SLC12A8: variants seen among roughly 807,000 people sequenced by gnomAD.
SLC12A8 encodes the protein solute carrier family 12 member 8, also known as cation-chloride cotransporter 9.
In SLC12A8, 69 loss-of-function variants were observed where a neutral mutation model predicts 75.6. That is an observed-to-expected ratio of 0.91 (90% CI 0.75 to 1.11). The LOEUF is 1.11. SLC12A8 is among the 50% of genes most tolerant of loss of function. The pLI, the probability that SLC12A8 is intolerant of heterozygous loss-of-function variation, is 0.00. For missense variants in SLC12A8, 877 were observed against 896.7 expected (o/e 0.98, Z 0.28); for synonymous variants, 365 against 372.8 (o/e 0.98, Z 0.24).
chr3:125,188,621 C>T (rs976512602), intron 3 of SLC12A8, among the ~76,000 whole-genome samples: 6 of 152,214 alleles, frequency 3.9e-5, no homozygotes, highest in African/African-American at 1.4e-4. Flanking sequence ...GATGTAATGT[C>T]ACATGTTTTG....
At chr3:125,106,647 G>A (rs922891370) in intron 10 of SLC12A8, among the ~76,000 whole-genome samples, 3 of 152,020 alleles carry the variant, frequency 2.0e-5, no homozygotes, top group Admixed American at 6.6e-5. Context: ...CACCGCGCCC[G>A]GCCAAAACAC....
At chr3:125,166,096 C>T (rs965472980) in intron 5 of SLC12A8, among the ~76,000 whole-genome samples, 3 of 152,202 alleles carry the variant, frequency 2.0e-5, no homozygotes, top group African/African-American at 4.8e-5. Context: ...GCCCAGCCCA[C>T]CGCTTCTCCT....
At chr3:125,192,148 G>T (rs1333140137) in intron 2 of SLC12A8, among the ~76,000 whole-genome samples, 7 of 151,998 alleles carry the variant, frequency 4.6e-5, no homozygotes, top group Admixed American at 4.6e-4. Context: ...CAGGCCGACT[G>T]TTCCTCAGTA....
intron 5 of SLC12A8, among the ~76,000 whole-genome samples, chr3:125,168,313 G>C (rs1050766942): frequency 6.6e-6 from 1 of 152,226 alleles, no homozygotes; most frequent in Non-Finnish European, 1.5e-5. Flanking sequence ...TTGGTGGAAA[G>C]GGCAGTGGGG....
chr3:125,117,990 G>C (rs1250121429), intron 8 of SLC12A8, among the ~76,000 whole-genome samples: 1 of 152,230 alleles, frequency 6.6e-6, no homozygotes, highest in African/African-American at 2.4e-5. Context: ...GGAGGGCCTC[G>C]GCCCTCACCC....
chr3:125,107,747 C>T lies in SLC12A8; in HGVS notation c.1439G>A (p.Gly480Glu). The T allele has an allele frequency of 6.2e-7, 1 of 1,614,194 alleles. No homozygotes were observed. Among genetic ancestry groups the T allele is most frequent in the Non-Finnish European group, 8.5e-7 (1 of 1,180,032 alleles). The change falls in exon 10 of 14, where the codon GGA becomes GAA. Residue 480 changes from glycine (G) to glutamate (E), a missense_variant. Coordinates refer to ENST00000469902, the MANE Select transcript of SLC12A8 (RefSeq NM_024628.6). Reference sequence around the variant, plus strand: ...ACTTTCTGGGGTCCTGTTACCCTCTCCTTGCCTGGGCTGGCTACTCTCAAG... The same window carrying T: ...ACTTTCTGGGGTCCTGTTACCCTCTTCTTGCCTGGGCTGGCTACTCTCAAG... Reference protein sequence around the residue: ...RKLESSQPRQGEGNRTPESQK... With the variant: ...RKLESSQPRQEEGNRTPESQK...
At chr3:125,203,676 G>T (rs923338900) in intron 2 of SLC12A8, among the ~76,000 whole-genome samples, 6 of 152,164 alleles carry the variant, frequency 3.9e-5, no homozygotes, top group Non-Finnish European at 5.9e-5. Flanking sequence ...ACATTGGTTT[G>T]GGAAAAGGTT....
chr3:125,129,058 T>C (rs516355), intron 6 of SLC12A8, among the ~76,000 whole-genome samples: 66,132 of 152,062 alleles, frequency 0.43, 15,216 homozygotes, highest in South Asian at 0.68. Context: ...GACATTTCAG[T>C]AAAGGCTGTA....
intron 5 of SLC12A8, chr3:125,154,786 G>A (rs148315853): frequency 1.4e-3 from 213 of 152,240 alleles, no homozygotes; most frequent in African/African-American, 4.8e-3. Context: ...TTATGTGAAC[G>A]TCTCTCTCTC....
In SLC12A8 at chr3:125,082,843, G is replaced by A. The variant is rs1252429464; in HGVS notation, c.*1047C>T. On this transcript the variant is annotated 3_prime_UTR_variant, in exon 14 of 14. Coordinates refer to ENST00000469902, the MANE Select transcript of SLC12A8 (RefSeq NM_024628.6). ...GGAAAGAATCCAAATGCTCATCATT[G>A]TGGAACTGGCGAAATAAATTATAAC... 1.3e-5 allele frequency: 2 copies of A among 152,174 alleles called. No individual in the cohort carries two copies. Among genetic ancestry groups the A allele is most frequent in the Non-Finnish European group, 2.9e-5 (2 of 68,034 alleles). 9.4% of individuals were successfully genotyped at this position (152,174 alleles called of 1,614,324 possible). A position where few individuals can be genotyped will look rare whatever the true frequency, so the allele number is the denominator to read the frequency against.
intron 5 of SLC12A8, among the ~76,000 whole-genome samples, chr3:125,138,845 A>AACACACAC (rs3061221): frequency 0.014 from 1,886 of 137,784 alleles, 41 homozygotes; most frequent in African/African-American, 0.044. Flanking sequence ...CCTTCTACAA[A>AACACACAC]ACACACACAC....
intron 2 of SLC12A8, among the ~76,000 whole-genome samples, chr3:125,208,705 C>A (rs991590590): frequency 7.0e-6 from 1 of 142,810 alleles, no homozygotes; most frequent in East Asian, 2.2e-4. Context: ...ACACTCAGAT[C>A]TACAGCTCCT....
chr3:125,157,642 C>A (rs572131279), intron 5 of SLC12A8, among the ~76,000 whole-genome samples: 3 of 152,194 alleles, frequency 2.0e-5, no homozygotes, highest in Admixed American at 6.5e-5. Context: ...CTCTTCCATG[C>A]GCGCTGAGTC....
intron 2 of SLC12A8, among the ~76,000 whole-genome samples, chr3:125,208,649 G>A (rs1295564580): frequency 6.6e-6 from 1 of 151,614 alleles, no homozygotes; most frequent in Non-Finnish European, 1.5e-5. Context: ...ATTAGAGCCA[G>A]GACTTGACCC....
intron 6 of SLC12A8, chr3:125,120,951 G>A (rs1933042751): frequency 5.9e-6 from 4 of 675,644 alleles, no homozygotes; most frequent in Admixed American, 2.5e-5. Context: ...ACCGCTCAGC[G>A]CAAAGCAACC....
Position 125,150,412 on chromosome 3 carries a change from A to C in SLC12A8, c.623-14630T>G, listed in dbSNP as rs541601180. ...TGTCAAAGACAGGTAACAATGTGTG[A>C]GTCAAATTAACCCTTTACAGATCAA... On this transcript the variant is annotated intron_variant, in intron 5 of 13. Transcript: ENST00000469902. 2.6e-5 allele frequency among the ~76,000 whole-genome samples: 4 copies of C among 152,352 alleles called. No individual in the cohort carries two copies. The South Asian group carries it at 8.3e-4, about 32-fold the overall frequency.
At chr3:125,132,371 A>T (rs1463463302) in intron 6 of SLC12A8, among the ~76,000 whole-genome samples, 4 of 152,222 alleles carry the variant, frequency 2.6e-5, no homozygotes, top group African/African-American at 9.6e-5. Context: ...GCCGAGCCTT[A>T]AGAAAAGTCA....
intron 5 of SLC12A8, among the ~76,000 whole-genome samples, chr3:125,154,226 G>C (rs1466242106): frequency 6.6e-6 from 1 of 152,136 alleles, no homozygotes; most frequent in East Asian, 1.9e-4. Context: ...TTCGCAAACT[G>C]CATTTTCAAT....
In SLC12A8 at chr3:125,107,569, A is replaced by G; in HGVS notation, c.1617T>C (p.Thr539=). The G allele has an allele frequency of 6.2e-7, 1 of 1,614,150 alleles. No individual in the cohort carries two copies. Among genetic ancestry groups the G allele is most frequent in the Admixed American group, 1.7e-5 (1 of 60,008 alleles). Residue 539 remains threonine (T), a synonymous_variant, in exon 10 of 14, where the codon ACT becomes ACC. Transcript: ENST00000469902. ...EGQESCWNKQ[T]SKSEGTQPEG... is the part of the protein sequence containing the mutation. Reference sequence around the variant, plus strand: ...CAGGCTGAGTCCCTTCGCTCTTGGAAGTCTGCTTGTTCCAGCAGGACTCCT... The same window carrying G: ...CAGGCTGAGTCCCTTCGCTCTTGGAGGTCTGCTTGTTCCAGCAGGACTCCT...
Sources: allele counts gnomAD v4.1 joint callset (sites outside exome capture counted in the v4.1 genomes callset), GRCh38; gene constraint gnomAD v4.1.1; transcripts MANE v1.5; gene names NCBI Gene and HGNC (gene_info 2026-07-23, HGNC 2026-07-21).